EYS: variants seen among roughly 807,000 people sequenced by gnomAD.
EYS encodes EGF-like photoreceptor maintenance factor.
Under a neutral mutation model 282.1 loss-of-function variants are expected in EYS, and 250 were observed. That is an observed-to-expected ratio of 0.89 (90% confidence interval 0.80 to 0.98). The LOEUF is 0.98. Ranked by LOEUF, EYS falls within the 50% of genes least tolerant of loss-of-function variation. EYS has a pLI of 0.00. For synonymous variants in EYS, 1,355 were observed against 1,282.9 expected, an observed-to-expected ratio of 1.06 and a Z score of -1.20; for missense variants, 4,016 against 3,709.0, an observed-to-expected ratio of 1.08 and a Z score of -2.15.
intron 14 of EYS, among the ~76,000 whole-genome samples, chr6:64,994,582 G>C (rs1468291287): frequency 6.6e-6 from 1 of 151,982 alleles, no homozygotes; most frequent in Non-Finnish European, 1.5e-5. Flanking sequence ...ATATTCTGCA[G>C]AAAAATCCAA....
At chr6:63,767,997 G>GGT (rs1369402985) in intron 40 of EYS, among the ~76,000 whole-genome samples, 1 of 152,096 alleles carries the variant, frequency 6.6e-6, no homozygotes, top group East Asian at 1.9e-4. Flanking sequence ...TTCGATAAAT[G>GGT]GTGCTGGGAT....
At chr6:63,845,814 A>G (rs1169927948) in intron 36 of EYS, among the ~76,000 whole-genome samples, 2 of 152,270 alleles carry the variant, frequency 1.3e-5, no homozygotes, top group East Asian at 3.9e-4. Context: ...GAGCTTTTAG[A>G]TATTGGCAGA....
chr6:65,067,608 T>C (rs903871210), intron 12 of EYS, among the ~76,000 whole-genome samples: 2 of 152,028 alleles, frequency 1.3e-5, no homozygotes, highest in African/African-American at 4.8e-5. Context: ...TACGTAATTA[T>C]TAACTAGAAA....
intron 2 of EYS, among the ~76,000 whole-genome samples, chr6:65,578,693 G>C (rs1211655306): frequency 6.6e-6 from 1 of 151,872 alleles, no homozygotes; most frequent in Admixed American, 6.6e-5. Context: ...ACCAATACAT[G>C]TTGTATACCA....
chr6:64,591,607 A>C lies in EYS; in HGVS notation c.4260T>G (p.Ser1420=), dbSNP rs1562080300. 1.3e-6 allele frequency: 2 copies of C among 1,551,268 alleles called. No homozygotes were observed. ...TAATTACTGAAGTCGTTGGGGTAGC[A>C]GATAAAGCAACAGTCTGACAGTTCT... is the stretch of plus-strand genomic sequence containing the variant. The part of the protein sequence containing the change: ...LFENCQTVAL[S]ATPTTSVIRS... The change falls in exon 26 of 43, where the codon TCT becomes TCG. Residue 1420 remains serine, a synonymous_variant. Transcript: ENST00000503581.
At chr6:64,068,146 A>T (rs910928435) in intron 32 of EYS, among the ~76,000 whole-genome samples, 2 of 152,166 alleles carry the variant, frequency 1.3e-5, no homozygotes, top group African/African-American at 2.4e-5. Context: ...TAGCCTTATC[A>T]TTTGGTATGG....
At chr6:64,645,355 A>T (rs1185045250) in intron 22 of EYS, among the ~76,000 whole-genome samples, 1 of 152,246 alleles carries the variant, frequency 6.6e-6, no homozygotes, top group East Asian at 1.9e-4. Flanking sequence ...GACAAATCAC[A>T]ATATTGAATC....
chr6:65,535,301 A>G (rs557708861), intron 2 of EYS, among the ~76,000 whole-genome samples: 5 of 152,252 alleles, frequency 3.3e-5, no homozygotes, highest in Admixed American at 6.5e-5. Flanking sequence ...TTTAGCTCCC[A>G]TAATTCCCAT....
intron 12 of EYS, among the ~76,000 whole-genome samples, chr6:65,125,272 G>A (rs1028900247): frequency 1.3e-5 from 2 of 152,080 alleles, no homozygotes; most frequent in African/African-American, 4.8e-5. Flanking sequence ...ATGAAGCAAA[G>A]CCAATGTCAT....
intron 5 of EYS, among the ~76,000 whole-genome samples, chr6:65,479,845 C>A (rs1765542603): frequency 6.6e-6 from 1 of 151,968 alleles, no homozygotes. Flanking sequence ...TTTTGCTCAT[C>A]AAAGTACATG....
intron 12 of EYS, among the ~76,000 whole-genome samples, chr6:65,076,723 C>A (rs1774064146): frequency 6.6e-6 from 1 of 151,612 alleles, no homozygotes; most frequent in African/African-American, 2.4e-5. Context: ...TATATACATT[C>A]TCTCTCCTCC....
At chr6:65,278,394 T>TTTA (rs1554177711) in intron 12 of EYS, among the ~76,000 whole-genome samples, 2 of 143,808 alleles carry the variant, frequency 1.4e-5, no homozygotes, top group Non-Finnish European at 1.5e-5. Context: ...GAAATGTATT[T>TTTA]TATATATATA....
intron 11 of EYS, 87 bp downstream of exon 11, chr6:65,334,893 T>C: frequency 2.4e-6 from 3 of 1,265,326 alleles, no homozygotes; most frequent in South Asian, 2.4e-5. Flanking sequence ...AACAAAAACA[T>C]TGTTACCATG....
chr6:64,340,127 C>A (rs1456725132), intron 29 of EYS, among the ~76,000 whole-genome samples: 1 of 150,998 alleles, frequency 6.6e-6, no homozygotes, highest in African/African-American at 2.4e-5. Context: ...TTTTTCAGCC[C>A]TGTAGAAGTA....
intron 36 of EYS, among the ~76,000 whole-genome samples, chr6:63,863,675 C>CTTTTTT (rs1284326554): frequency 5.0e-5 from 3 of 60,040 alleles, no homozygotes; most frequent in African/African-American, 1.1e-4. Context: ...TTTCTTTTTT[C>CTTTTTT]TTTTTTTTTT....
intron 2 of EYS, among the ~76,000 whole-genome samples, chr6:65,587,240 T>C (rs1054650316): frequency 2.6e-5 from 4 of 152,078 alleles, no homozygotes; most frequent in Admixed American, 1.3e-4. Context: ...TTACTGGAGA[T>C]AGCCGAAGAG....
At chr6:64,456,244 T>C (rs1017636138) in intron 26 of EYS, among the ~76,000 whole-genome samples, 1 of 152,128 alleles carries the variant, frequency 6.6e-6, no homozygotes, top group Non-Finnish European at 1.5e-5. Flanking sequence ...TTTCATTTAA[T>C]GTATTGATTA....
chr6:64,490,469 C>T (rs1462486471), intron 26 of EYS, among the ~76,000 whole-genome samples: 3 of 150,788 alleles, frequency 2.0e-5, no homozygotes, highest in Non-Finnish European at 3.0e-5. Context: ...ATAACAGAGG[C>T]AAACTCTTAT....
intron 14 of EYS, among the ~76,000 whole-genome samples, chr6:64,983,549 CTT>C (rs1770752652): frequency 6.6e-6 from 1 of 151,162 alleles, no homozygotes; most frequent in Non-Finnish European, 1.5e-5. Context: ...TTTAAAAACT[CTT>C]ATTACAATTT....
Sources: gnomAD v4.1 joint callset for allele counts (sites outside exome capture counted in the v4.1 genomes callset) on GRCh38, gnomAD v4.1.1 for gene constraint, MANE v1.5 for transcripts, NCBI Gene and HGNC (gene_info 2026-07-23, HGNC 2026-07-21) for gene names.